RASSF8: variants seen among roughly 807,000 people sequenced by gnomAD.
RASSF8 encodes Ras association domain family member 8.
A neutral mutation model predicts 48.5 loss-of-function variants in RASSF8; 22 were observed. The ratio of observed to expected loss-of-function variants is 0.45; its 90% CI spans 0.32 to 0.65. The LOEUF (loss-of-function observed/expected upper bound fraction) is 0.65, where lower values mean the gene tolerates loss of function less well. Among genes scored for constraint, RASSF8 ranks in the 30% least tolerant of loss-of-function variants. The pLI is 0.03. For synonymous variants in RASSF8, 127 were observed against 171.5 expected, an observed-to-expected ratio of 0.74 and a Z score of 2.03; for missense variants, 418 against 489.2, an observed-to-expected ratio of 0.85 and a Z score of 1.37.
At chr12:26,028,863 A>G (rs1024401715) in intron 2 of RASSF8, among the ~76,000 whole-genome samples, 1 of 152,202 alleles carries the variant, frequency 6.6e-6, no homozygotes, top group Admixed American at 6.5e-5. Flanking sequence ...TTTCTCTCCA[A>G]TTCTATTGTA....
In RASSF8 at chr12:26,067,657, C is replaced by T; in HGVS notation, c.1082C>T (p.Thr361Ile). 1 of 1,614,196 alleles carries T rather than the reference C, an allele frequency of 6.2e-7. No homozygotes were observed. The highest frequency in any genetic ancestry group is 1.7e-5 in the Admixed American group (1 of 60,012). ...ATCCAGCAGACAGGGACAAAAGTTACCGTTTTGCCAGCGGAGCCCATTGAA... is the reference window on the plus strand; with the variant it reads ...ATCCAGCAGACAGGGACAAAAGTTATCGTTTTGCCAGCGGAGCCCATTGAA... ...QFIQQTGTKVTVLPAEPIEIE... is the reference protein window; with the variant it reads ...QFIQQTGTKVIVLPAEPIEIE... The change falls in exon 5 of 6, where the codon ACC becomes ATC. Residue 361 changes from threonine (T) to isoleucine (I), a missense_variant. Coordinates refer to ENST00000689635, the MANE Select transcript of RASSF8 (RefSeq NM_001394098.1).
At chr12:26,035,473 ATAT>A (rs1943121329) in intron 2 of RASSF8, among the ~76,000 whole-genome samples, 1 of 112,998 alleles carries the variant, frequency 8.8e-6, no homozygotes, top group Non-Finnish European at 2.0e-5. Context: ...TAATTATATT[ATAT>A]AATTATATAA....
At chr12:26,073,745 C>CTCTCTCTG (rs1220008372), downstream of RASSF8, among the ~76,000 whole-genome samples, 1 of 48,644 alleles carries the variant, frequency 2.1e-5, no homozygotes, top group African/African-American at 7.5e-5. Context: ...CTCTCTCTCT[C>CTCTCTCTG]TATACACACA....
intron 1 of RASSF8, among the ~76,000 whole-genome samples, chr12:25,963,688 C>T (rs1241217059): frequency 6.6e-6 from 1 of 152,140 alleles, no homozygotes; most frequent in Non-Finnish European, 1.5e-5. Context: ...GGTTCCCAAA[C>T]TGTGATCCTT....
chr12:26,009,805 G>A (rs1010398284), intron 2 of RASSF8, among the ~76,000 whole-genome samples: 2 of 152,182 alleles, frequency 1.3e-5, no homozygotes, highest in Non-Finnish European at 2.9e-5. Flanking sequence ...TTAGATGGTA[G>A]GGGCAAAAGC....
At chr12:26,026,554 G>A (rs1322692898) in intron 2 of RASSF8, among the ~76,000 whole-genome samples, 1 of 152,082 alleles carries the variant, frequency 6.6e-6, no homozygotes, top group Non-Finnish European at 1.5e-5. Context: ...TCCTGCCTCA[G>A]CCTCCCAAGT....
intron 3 of RASSF8, among the ~76,000 whole-genome samples, chr12:26,060,420 G>C (rs1483634976): frequency 6.6e-6 from 1 of 152,092 alleles, no homozygotes; most frequent in Non-Finnish European, 1.5e-5. Flanking sequence ...GTTTCACTCA[G>C]AACTTAAATA....
chr12:26,054,879 C>CT (rs1270126083), intron 2 of RASSF8, among the ~76,000 whole-genome samples: 1 of 152,052 alleles, frequency 6.6e-6, no homozygotes, highest in African/African-American at 2.4e-5. Context: ...AAATGACAAA[C>CT]TTTTTTTCTT....
chr12:26,014,028 G>C (rs947913125), intron 2 of RASSF8, among the ~76,000 whole-genome samples: 1 of 152,208 alleles, frequency 6.6e-6, no homozygotes, highest in African/African-American at 2.4e-5. Context: ...AGGAATATGA[G>C]AGTGTGGACC....
At chr12:25,965,959 A>T (rs1941350583) in intron 1 of RASSF8, among the ~76,000 whole-genome samples, 1 of 152,176 alleles carries the variant, frequency 6.6e-6, no homozygotes, top group Admixed American at 6.5e-5. Flanking sequence ...ATTTGTTGCT[A>T]ATTTTTGGCT....
chr12:25,983,863 G>A (rs895955165), intron 1 of RASSF8, among the ~76,000 whole-genome samples: 6 of 152,138 alleles, frequency 3.9e-5, no homozygotes, highest in African/African-American at 9.7e-5. Context: ...CATAAACAGC[G>A]AGCCTCAACC....
chr12:26,069,311 C>T lies in RASSF8; in HGVS notation c.*493C>T. 1 of 985,560 alleles carries T rather than the reference C, an allele frequency of 1.0e-6. No individual in the cohort carries two copies. The highest frequency in any genetic ancestry group is 4.7e-5 in the South Asian group (1 of 21,366). 61.1% of individuals were successfully genotyped at this position (985,560 alleles called of 1,614,324 possible). A position where few individuals can be genotyped will look rare whatever the true frequency, so the allele number is the denominator to read the frequency against. ...ACTCCATCCATGCATTGCTGATTTA[C>T]ACTACACAAGTGTCCTAGGGTGCTC... On this transcript the variant is annotated 3_prime_UTR_variant, in exon 6 of 6. Coordinates refer to ENST00000689635, the MANE Select transcript of RASSF8 (RefSeq NM_001394098.1).
intron 2 of RASSF8, chr12:26,011,860 TTATGGTATTTATTATA>T (rs1293780268): frequency 6.6e-6 from 1 of 152,208 alleles, no homozygotes; most frequent in African/African-American, 2.4e-5. Flanking sequence ...GCCACCCAGT[TTATGGTATTTATTATA>T]TTAGCCCAAA....
chr12:26,015,997 A>C (rs1373388999), intron 2 of RASSF8, among the ~76,000 whole-genome samples: 1 of 152,078 alleles, frequency 6.6e-6, no homozygotes, highest in African/African-American at 2.4e-5. Context: ...TTTGTTACCA[A>C]ATCACTAATT....
intron 2 of RASSF8, among the ~76,000 whole-genome samples, chr12:26,019,031 G>A (rs1942721727): frequency 6.6e-6 from 1 of 152,152 alleles, no homozygotes; most frequent in South Asian, 2.1e-4. Context: ...TTTAGAGGAG[G>A]TCTTTTGGGT....
At chr12:25,969,491 T>C (rs1941434782) in intron 1 of RASSF8, among the ~76,000 whole-genome samples, 1 of 152,146 alleles carries the variant, frequency 6.6e-6, no homozygotes, top group Non-Finnish European at 1.5e-5. Context: ...TGCTGTTATA[T>C]GGAAAGTGTT....
intron 1 of RASSF8, among the ~76,000 whole-genome samples, chr12:25,969,496 A>G (rs1941434855): frequency 6.6e-6 from 1 of 152,170 alleles, no homozygotes; most frequent in African/African-American, 2.4e-5. Context: ...TTATATGGAA[A>G]GTGTTTGCCA....
chr12:25,963,980 C>T (rs1179072163), intron 1 of RASSF8, among the ~76,000 whole-genome samples: 1 of 152,206 alleles, frequency 6.6e-6, no homozygotes, highest in Non-Finnish European at 1.5e-5. Flanking sequence ...AGACCCTTAC[C>T]CTGGTGCTTA....
At chr12:25,995,001 T>A (rs541175977) in intron 1 of RASSF8, 36 bp from the exon 2 acceptor site, 3 of 152,158 alleles carry the variant, frequency 2.0e-5, no homozygotes, top group Non-Finnish European at 4.4e-5. Context: ...AGATACAAAT[T>A]AGCCAGGACT....
Sources: gnomAD v4.1 joint callset for allele counts (sites outside exome capture counted in the v4.1 genomes callset) on GRCh38, gnomAD v4.1.1 for gene constraint, MANE v1.5 for transcripts, NCBI Gene and HGNC (gene_info 2026-07-23, HGNC 2026-07-21) for gene names.